The following CAST variants were observed in gnomAD, a reference collection of about 807,000 sequenced individuals.
CAST encodes the protein calpastatin, also known as MIR583 host.
In CAST, 76 loss-of-function variants were observed where a neutral mutation model predicts 119.6. That is an observed-to-expected ratio of 0.64 (90% CI 0.53 to 0.77). The LOEUF is 0.77. Ranked by LOEUF, CAST falls within the 30% of genes least tolerant of loss-of-function variation. The pLI is 0.00. For synonymous variants in CAST, 319 were observed against 331.6 expected, an observed-to-expected ratio of 0.96 and a Z score of 0.41; for missense variants, 953 against 946.5, an observed-to-expected ratio of 1.01 and a Z score of -0.09.
upstream of CAST, among the ~76,000 whole-genome samples, chr5:96,661,297 C>T (rs1428244467): frequency 6.7e-6 from 1 of 148,186 alleles, no homozygotes; most frequent in Non-Finnish European, 1.5e-5. Context: ...TGTGACAACG[C>T]GCCTGTAGTC....
At chr5:96,324,636 T>G in the CAST span, among the ~76,000 whole-genome samples, 1 of 152,218 alleles carries the variant, frequency 6.6e-6, no homozygotes, top group African/African-American at 2.4e-5. Flanking sequence ...TGTATTTTAG[T>G]TTTTCAAGGT....
the CAST span, among the ~76,000 whole-genome samples, chr5:96,071,636 T>G: frequency 1.3e-5 from 2 of 152,210 alleles, no homozygotes; most frequent in African/African-American, 4.8e-5. Context: ...TCTTTGCTTG[T>G]CTCTCACCTT....
At chr5:96,008,578 G>A in the CAST span, among the ~76,000 whole-genome samples, 2 of 152,162 alleles carry the variant, frequency 1.3e-5, no homozygotes, top group South Asian at 2.1e-4. Flanking sequence ...TTGAAGGGAG[G>A]CTTACCTCAT....
At chr5:96,636,228 T>G (rs1479813551) in intron 1 of CAST, among the ~76,000 whole-genome samples, 1 of 152,222 alleles carries the variant, frequency 6.6e-6, no homozygotes, top group Non-Finnish European at 1.5e-5. Flanking sequence ...GCTTGACCTT[T>G]TAGCCTGTTT....
At chr5:96,403,406 C>T in the CAST span, among the ~76,000 whole-genome samples, 1 of 152,000 alleles carries the variant, frequency 6.6e-6, no homozygotes, top group Admixed American at 6.6e-5. Context: ...TAATGCTATC[C>T]CTCTCCACTC....
the CAST span, among the ~76,000 whole-genome samples, chr5:96,472,508 A>G: frequency 6.6e-6 from 1 of 152,208 alleles, no homozygotes; most frequent in Non-Finnish European, 1.5e-5. Context: ...TAAATGGAAT[A>G]AATGACTCAA....
chr5:96,175,699 G>A, the CAST span, among the ~76,000 whole-genome samples: 1 of 152,228 alleles, frequency 6.6e-6, no homozygotes, highest in Non-Finnish European at 1.5e-5. Flanking sequence ...ATGTGTGTTA[G>A]TGTTTCACAT....
At chr5:96,106,556 G>A in the CAST span, among the ~76,000 whole-genome samples, 1 of 149,576 alleles carries the variant, frequency 6.7e-6, no homozygotes, top group South Asian at 2.1e-4. Flanking sequence ...TTAATCCTGA[G>A]TTCTAGTTTG....
intron 30 of CAST, 24 bp from the exon 31 acceptor site, chr5:96,771,620 G>A (rs991828680): frequency 5.0e-6 from 8 of 1,602,342 alleles, no homozygotes; most frequent in African/African-American, 2.7e-5. Flanking sequence ...GAAAGCTCAC[G>A]GATGGTTTTG....
chr5:96,561,854 G>A lies in CAST; in HGVS notation c.60+31974G>A, dbSNP rs553962454. ...GTCGCCCAGGCTGGAGTGCAGTGGC[G>A]CGATCTCGGCTCACTGCAAGCTCCG... On this transcript the variant is annotated intron_variant, in intron 1 of 11. Transcript: ENST00000505143. Among the ~76,000 whole-genome samples the A allele has an allele frequency of 1.4e-3, 185 of 131,926 alleles. 1 individual carries two copies. The highest frequency in any genetic ancestry group is 5.0e-3 in the African/African-American group (175 of 35,222). The allele number at this position is 131,926 out of a possible 152,430, so 86.5% of individuals were successfully genotyped here. A position where few individuals can be genotyped will look rare whatever the true frequency, so the allele number is the denominator to read the frequency against.
the CAST span, among the ~76,000 whole-genome samples, chr5:96,328,091 T>C: frequency 6.6e-6 from 1 of 152,228 alleles, no homozygotes; most frequent in South Asian, 2.1e-4. Context: ...GTTTATTCTT[T>C]TGCTGCTTTC....
chr5:96,368,117 T>C, the CAST span, among the ~76,000 whole-genome samples: 1 of 152,060 alleles, frequency 6.6e-6, no homozygotes, highest in Non-Finnish European at 1.5e-5. Context: ...TTACTTTTCT[T>C]TTTTTTCCCC....
At chr5:96,372,599 A>G in the CAST span, among the ~76,000 whole-genome samples, 1 of 152,192 alleles carries the variant, frequency 6.6e-6, no homozygotes, top group Non-Finnish European at 1.5e-5. Flanking sequence ...CTGATCCCAG[A>G]GTTGAGGAAT....
intron 1 of CAST, among the ~76,000 whole-genome samples, chr5:96,580,431 C>A (rs1039774328): frequency 2.0e-5 from 3 of 152,190 alleles, no homozygotes; most frequent in Non-Finnish European, 4.4e-5. Flanking sequence ...CTATGATCTA[C>A]AAAACTTTAG....
chr5:96,607,411 A>G (rs577794352), intron 1 of CAST, among the ~76,000 whole-genome samples: 1 of 152,374 alleles, frequency 6.6e-6, no homozygotes, highest in South Asian at 2.1e-4. Context: ...TGTCATGTTA[A>G]ATTCCTAATT....
intron 1 of CAST, among the ~76,000 whole-genome samples, chr5:96,651,805 T>A (rs1326407157): frequency 6.6e-6 from 1 of 152,214 alleles, no homozygotes; most frequent in Non-Finnish European, 1.5e-5. Context: ...ATATCATGTT[T>A]GTAATTGTCT....
intron 1 of CAST, among the ~76,000 whole-genome samples, chr5:96,575,089 C>T (rs1422835693): frequency 6.6e-6 from 1 of 151,974 alleles, no homozygotes; most frequent in Non-Finnish European, 1.5e-5. Context: ...AAGATTTAAT[C>T]TGCATTTTAT....
chr5:96,738,211 A>G (rs546700785), intron 11 of CAST, among the ~76,000 whole-genome samples: 3 of 152,236 alleles, frequency 2.0e-5, no homozygotes, highest in East Asian at 1.9e-4. Flanking sequence ...AATCCCAGCT[A>G]CTTGGGAAGC....
chr5:96,431,174 C>A, the CAST span, among the ~76,000 whole-genome samples: 3 of 152,178 alleles, frequency 2.0e-5, no homozygotes, highest in African/African-American at 7.2e-5. Context: ...TCCTCTGCTA[C>A]TCATACCCTC....
Sources: gnomAD v4.1 joint callset for allele counts (sites outside exome capture counted in the v4.1 genomes callset) on GRCh38, gnomAD v4.1.1 for gene constraint, MANE v1.5 for transcripts, NCBI Gene and HGNC (gene_info 2026-07-23, HGNC 2026-07-21) for gene names.